The following OSMR variants were observed in gnomAD, a reference collection of about 807,000 sequenced individuals.
OSMR encodes oncostatin-M-specific receptor subunit beta.
A neutral mutation model predicts 99.9 loss-of-function variants in OSMR; 81 were observed. That is an observed-to-expected ratio of 0.81 (90% CI 0.68 to 0.97). The LOEUF (loss-of-function observed/expected upper bound fraction) is 0.97. OSMR is among the 50% of genes least tolerant of loss of function. OSMR has a pLI of 0.00. For synonymous variants in OSMR, 406 were observed against 410.4 expected, an observed-to-expected ratio of 0.99 and a Z score of 0.13; for missense variants, 1,099 against 1,153.4, an observed-to-expected ratio of 0.95 and a Z score of 0.68.
chr5:38,907,424 A>T (rs533799718), intron 9 of OSMR, among the ~76,000 whole-genome samples: 46 of 152,338 alleles, frequency 3.0e-4, no homozygotes, highest in Non-Finnish European at 5.0e-4. Context: ...GTGCAGAAAC[A>T]TCTGCAGTGG....
At chr5:38,925,139 T>C (rs1192705405) in intron 14 of OSMR, 65 bp from the exon 15 acceptor site, 34 of 1,602,324 alleles carry the variant, frequency 2.1e-5, no homozygotes, top group Non-Finnish European at 2.7e-5. Flanking sequence ...TCTCACAAGA[T>C]GTTTACAACA....
intron 9 of OSMR, among the ~76,000 whole-genome samples, chr5:38,912,536 C>T (rs577514573): frequency 6.4e-4 from 98 of 152,130 alleles, no homozygotes; most frequent in African/African-American, 2.3e-3. Flanking sequence ...TTCTATCAAA[C>T]TATCAATGTT....
chr5:38,923,778 G>A (rs889553242), intron 13 of OSMR, among the ~76,000 whole-genome samples: 1 of 152,178 alleles, frequency 6.6e-6, no homozygotes, highest in South Asian at 2.1e-4. Flanking sequence ...GTTCTCAGGG[G>A]TTCTTCCTTT....
intron 9 of OSMR, among the ~76,000 whole-genome samples, chr5:38,910,134 A>G (rs570185206): frequency 1.4e-4 from 21 of 152,360 alleles, no homozygotes; most frequent in African/African-American, 5.0e-4. Flanking sequence ...AAAGAAGGGC[A>G]TTACATAATG....
At chr5:38,858,255 C>G (rs1741012325) in intron 1 of OSMR, among the ~76,000 whole-genome samples, 1 of 152,098 alleles carries the variant, frequency 6.6e-6, no homozygotes, top group African/African-American at 2.4e-5. Flanking sequence ...TTGACTGCCC[C>G]CTTCCTAACC....
intron 9 of OSMR, among the ~76,000 whole-genome samples, chr5:38,907,873 G>A (rs1745341209): frequency 6.6e-6 from 1 of 152,128 alleles, no homozygotes; most frequent in Admixed American, 6.5e-5. Flanking sequence ...TCCTCCAATG[G>A]CTTATGTGTG....
rs777529483 is a variant in OSMR at position 38,933,313 on chromosome 5, G to A, written c.2809G>A (p.Val937Ile). 6 of 1,614,070 alleles carry A rather than the reference G, an allele frequency of 3.7e-6. No individual in the cohort carries two copies. The highest frequency in any genetic ancestry group is 5.1e-6 in the Non-Finnish European group (6 of 1,180,010). ...CAAGGACAGTCTCCCAACAAACCCA[G>A]TAGAGGCACCACACTGTTCAGAGTA... ...GDKDSLPTNPVEAPHCSEYKM... is the reference protein window; with the variant it reads ...GDKDSLPTNPIEAPHCSEYKM... The change falls in exon 18 of 18, where the codon GTA (valine) becomes ATA (isoleucine). Residue 937 changes from valine to isoleucine, a missense_variant. Val to Ile is a conservative substitution (Grantham distance 29). Transcript: ENST00000274276.
intron 9 of OSMR, among the ~76,000 whole-genome samples, chr5:38,911,409 T>G (rs1054547432): frequency 1.3e-5 from 2 of 152,092 alleles, no homozygotes; most frequent in African/African-American, 2.4e-5. Context: ...GATCTGAAAC[T>G]GAATCAGTAA....
chr5:38,924,183 C>T (rs571388240), intron 13 of OSMR: 2 of 279,188 alleles, frequency 7.2e-6, no homozygotes, highest in South Asian at 2.7e-4. Context: ...TATTTAGTCT[C>T]TGGGTGTCCA....
At chr5:38,884,712 G>T (rs569479757) in intron 5 of OSMR, among the ~76,000 whole-genome samples, 1 of 152,310 alleles carries the variant, frequency 6.6e-6, no homozygotes, top group South Asian at 2.1e-4. Flanking sequence ...GGTTCCATCG[G>T]ATACATTAGT....
At chr5:38,893,950 G>C (rs906230114) in intron 7 of OSMR, among the ~76,000 whole-genome samples, 1 of 152,052 alleles carries the variant, frequency 6.6e-6, no homozygotes, top group African/African-American at 2.4e-5. Context: ...ACATACAAAG[G>C]GACCCCCATC....
At chr5:38,861,993 C>G (rs1266183819) in intron 1 of OSMR, among the ~76,000 whole-genome samples, 6 of 115,954 alleles carry the variant, frequency 5.2e-5, no homozygotes, top group Non-Finnish European at 9.1e-5. Flanking sequence ...ACCTCCCTCC[C>G]GGACGGGGCG....
chr5:38,905,286 C>T (rs1745155624), intron 9 of OSMR, among the ~76,000 whole-genome samples: 1 of 152,004 alleles, frequency 6.6e-6, no homozygotes, highest in African/African-American at 2.4e-5. Flanking sequence ...GTCAGGAGTT[C>T]GAGACCAGCC....
At chr5:38,923,381 A>C (rs1430588005) in intron 13 of OSMR, 127 bp downstream of exon 13, 1 of 662,860 alleles carries the variant, frequency 1.5e-6, no homozygotes, top group Non-Finnish European at 2.7e-6. Flanking sequence ...TATTCTAGCA[A>C]TTGGGTTTTT....
intron 3 of OSMR, among the ~76,000 whole-genome samples, chr5:38,880,947 G>C (rs1172511817): frequency 6.6e-6 from 1 of 152,214 alleles, no homozygotes; most frequent in Non-Finnish European, 1.5e-5. Flanking sequence ...AAGACATTTT[G>C]TGTCACTGAC....
intron 1 of OSMR, among the ~76,000 whole-genome samples, chr5:38,859,240 T>C (rs1434150184): frequency 6.6e-6 from 1 of 152,198 alleles, no homozygotes; most frequent in African/African-American, 2.4e-5. Flanking sequence ...TTAGGCATTA[T>C]GTTTAAGTGT....
intron 9 of OSMR, among the ~76,000 whole-genome samples, chr5:38,909,122 T>A (rs1251435342): frequency 6.6e-6 from 1 of 152,154 alleles, no homozygotes; most frequent in African/African-American, 2.4e-5. Context: ...AATTTCATAA[T>A]ACAAATGCAA....
downstream of OSMR, chr5:38,945,440 A>G: frequency 8.0e-7 from 1 of 1,246,052 alleles, no homozygotes; most frequent in South Asian, 1.3e-5. Flanking sequence ...AGTAAACCAG[A>G]GAACTTTAGT....
intron 15 of OSMR, among the ~76,000 whole-genome samples, chr5:38,926,612 CA>C (rs1345499656): frequency 6.6e-6 from 1 of 152,156 alleles, no homozygotes; most frequent in Non-Finnish European, 1.5e-5. Flanking sequence ...TAACTGCCAC[CA>C]TGATTCAATT....
Sources: allele counts gnomAD v4.1 joint callset (sites outside exome capture counted in the v4.1 genomes callset), GRCh38; gene constraint gnomAD v4.1.1; transcripts MANE v1.5; gene names NCBI Gene and HGNC (gene_info 2026-07-23, HGNC 2026-07-21).